ARMH4: variants seen among roughly 807,000 people sequenced by gnomAD.
ARMH4 encodes the protein armadillo-like helical domain-containing protein 4.
Under a neutral mutation model 61.9 loss-of-function variants are expected in ARMH4, and 49 were observed. That is an observed-to-expected ratio of 0.79 (90% CI 0.63 to 1.00). The LOEUF is 1.00. ARMH4 is among the 50% of genes least tolerant of loss of function. The pLI is 0.00. For synonymous variants in ARMH4, 368 were observed against 341.5 expected (o/e 1.08, Z -0.85); for missense variants, 934 against 930.0 (o/e 1.00, Z -0.06).
intron 5 of ARMH4, among the ~76,000 whole-genome samples, chr14:58,073,347 C>G (rs1884946414): frequency 6.6e-6 from 1 of 152,210 alleles, no homozygotes; most frequent in Non-Finnish European, 1.5e-5. Flanking sequence ...TAAAGTCAAT[C>G]TGCTGGTTAT....
Position 58,107,763 on chromosome 14 carries a change from C to CAAAAAA in ARMH4, c.1832-10788_1832-10783dup, listed in dbSNP as rs34507217. 4.4e-4 allele frequency among the ~76,000 whole-genome samples: 43 copies of CAAAAAA among 97,334 alleles called. No individual in the cohort carries two copies. The South Asian group carries it at 0.013, about 29-fold the overall frequency. The allele number at this position is 97,334 out of a possible 152,430, so 63.9% of individuals were successfully genotyped here. A position where few individuals can be genotyped will look rare whatever the true frequency, so the allele number is the denominator to read the frequency against. On this transcript the variant is annotated intron_variant, in intron 4 of 7. Transcript: ENST00000267485. ...TGGGCGACAGAGCAAGACTCCATCT[C>CAAAAAA]AAAAAAAAAAAAAAAAAAAAAATTA... is the stretch of plus-strand genomic sequence containing the variant.
intron 5 of ARMH4, among the ~76,000 whole-genome samples, chr14:58,057,154 T>C (rs1166207198): frequency 2.0e-5 from 3 of 152,220 alleles, no homozygotes; most frequent in Non-Finnish European, 4.4e-5. Flanking sequence ...CTCAAACCAA[T>C]ATAGTATATA....
At chr14:58,122,179 C>T (rs780236285) in intron 4 of ARMH4, among the ~76,000 whole-genome samples, 48 of 152,210 alleles carry the variant, frequency 3.2e-4, no homozygotes, top group South Asian at 6.2e-4. Flanking sequence ...CAGTTCAAGC[C>T]TATCACACTC....
chr14:58,036,079 C>T (rs865791525), intron 5 of ARMH4, among the ~76,000 whole-genome samples: 1,528 of 118,834 alleles, frequency 0.013, 89 homozygotes, highest in African/African-American at 0.047. Flanking sequence ...ATACCAAAGC[C>T]GGGCAGAGAC....
chr14:58,097,466 GGTAA>G lies in ARMH4; in HGVS notation c.1832-489_1832-486del, dbSNP rs530438027. 2.2e-3 allele frequency among the ~76,000 whole-genome samples: 337 copies of G among 152,176 alleles called. 2 individuals carry two copies. The highest frequency in any genetic ancestry group is 7.5e-3 in the African/African-American group (312 of 41,516). On this transcript the variant is annotated intron_variant, in intron 4 of 7. Transcript: ENST00000267485. Reference sequence around the variant, plus strand: ...ATCAGTGAGTAGAACTCACAAAAATGGTAAGTGAGGAGCACATAAATTCACTCTT... The same window carrying G: ...ATCAGTGAGTAGAACTCACAAAAATGGTGAGGAGCACATAAATTCACTCTT...
At chr14:58,127,037 C>T (rs1396061783) in intron 4 of ARMH4, among the ~76,000 whole-genome samples, 2 of 151,992 alleles carry the variant, frequency 1.3e-5, no homozygotes, top group Admixed American at 6.6e-5. Context: ...CTCCTGACCC[C>T]GTGATCCACC....
At chr14:58,063,041 C>A (rs543683239) in intron 5 of ARMH4, among the ~76,000 whole-genome samples, 2 of 152,328 alleles carry the variant, frequency 1.3e-5, no homozygotes, top group African/African-American at 4.8e-5. Flanking sequence ...AATCAAGGTA[C>A]TGGCAGGGCC....
intron 5 of ARMH4, among the ~76,000 whole-genome samples, chr14:58,091,043 C>T (rs1443300172): frequency 6.6e-6 from 1 of 151,154 alleles, no homozygotes; most frequent in Admixed American, 6.6e-5. Flanking sequence ...ATGGCGAAAC[C>T]TCATCTCTAC....
chr14:58,105,815 A>C (rs1471974542), intron 4 of ARMH4, among the ~76,000 whole-genome samples: 1 of 152,186 alleles, frequency 6.6e-6, no homozygotes, highest in Non-Finnish European at 1.5e-5. Flanking sequence ...TTGTTCTGAC[A>C]ATCTCTAAAA....
intron 4 of ARMH4, among the ~76,000 whole-genome samples, chr14:58,130,677 A>G (rs1566594608): frequency 1.3e-5 from 2 of 152,236 alleles, no homozygotes; most frequent in African/African-American, 4.8e-5. Flanking sequence ...AATGTCTTGG[A>G]AAGTACAATT....
At chr14:58,118,360 A>C (rs1886599969) in intron 4 of ARMH4, among the ~76,000 whole-genome samples, 1 of 152,130 alleles carries the variant, frequency 6.6e-6, no homozygotes, top group Admixed American at 6.5e-5. Flanking sequence ...CAACTGTTGG[A>C]CTGTCACTTG....
chr14:58,053,412 T>G (rs1884212323), intron 5 of ARMH4, among the ~76,000 whole-genome samples: 1 of 152,220 alleles, frequency 6.6e-6, no homozygotes, highest in Non-Finnish European at 1.5e-5. Flanking sequence ...CAGCCCCCAG[T>G]GCACTTCCTG....
At chr14:58,007,190 G>C (rs920383857) in intron 6 of ARMH4, among the ~76,000 whole-genome samples, 4 of 152,140 alleles carry the variant, frequency 2.6e-5, no homozygotes, top group Non-Finnish European at 5.9e-5. Context: ...ACTTTTGGAA[G>C]GTCAACTTGA....
intron 5 of ARMH4, among the ~76,000 whole-genome samples, chr14:58,092,523 C>T (rs4901847): frequency 0.42 from 64,101 of 152,002 alleles, 13,862 homozygotes; most frequent in Non-Finnish European, 0.47. Context: ...ACCTTGCAGT[C>T]CTGGAGGTCA....
intron 5 of ARMH4, among the ~76,000 whole-genome samples, chr14:58,053,972 G>C (rs1247720097): frequency 1.3e-5 from 2 of 152,140 alleles, no homozygotes; most frequent in Admixed American, 6.5e-5. Context: ...AAAAGATTTA[G>C]CTTCTCTGAG....
rs148176221 is a variant in ARMH4, at chr14:58,001,721, C to T, written c.*3015G>A. 26 of 152,294 alleles carry T rather than the reference C, an allele frequency of 1.7e-4. No individual in the cohort carries two copies. The East Asian group carries it at 4.8e-3, about 28-fold the overall frequency. The allele number at this position is 152,294 out of a possible 1,614,324, so 9.4% of individuals were successfully genotyped here. On this transcript the variant is annotated 3_prime_UTR_variant, in exon 8 of 8. Coordinates refer to ENST00000267485, the MANE Select transcript of ARMH4 (RefSeq NM_001001872.4). ...CAAGCTTGCTGGGGCATGAATACCC[C>T]AAGCTCCTTCCCTGGAGATTCTAAC...
intron 4 of ARMH4, among the ~76,000 whole-genome samples, chr14:58,110,902 C>T (rs1886333620): frequency 6.6e-6 from 1 of 151,538 alleles, no homozygotes; most frequent in Non-Finnish European, 1.5e-5. Flanking sequence ...TTTTTTATTA[C>T]AGGTGCACAC....
At chr14:58,021,249 G>A (rs560002891) in intron 5 of ARMH4, among the ~76,000 whole-genome samples, 1 of 152,276 alleles carries the variant, frequency 6.6e-6, no homozygotes, top group East Asian at 1.9e-4. Flanking sequence ...CATGGCTTGG[G>A]AGGGACATGG....
chr14:58,015,370 G>C (rs1219666548), intron 5 of ARMH4, among the ~76,000 whole-genome samples: 1 of 152,130 alleles, frequency 6.6e-6, no homozygotes, highest in Non-Finnish European at 1.5e-5. Flanking sequence ...AAGTATTCTG[G>C]TGGGCACAGG....
Sources: gnomAD v4.1 joint callset for allele counts (sites outside exome capture counted in the v4.1 genomes callset) on GRCh38, gnomAD v4.1.1 for gene constraint, MANE v1.5 for transcripts, NCBI Gene and HGNC (gene_info 2026-07-23, HGNC 2026-07-21) for gene names.